The following CADM2 variants were observed in gnomAD, a reference collection of about 807,000 sequenced individuals.
CADM2 encodes cell adhesion molecule 2, also known as immunoglobulin superfamily member 4D.
Under a neutral mutation model 49.8 loss-of-function variants are expected in CADM2, and 12 were observed. The observed-to-expected ratio is 0.24, with a 90% CI of 0.15 to 0.39. The LOEUF is 0.39. Among genes scored for constraint, CADM2 ranks in the 10% least tolerant of loss-of-function variants. CADM2 has a pLI of 1.00. For missense variants in CADM2, 378 were observed against 492.3 expected (o/e 0.77, Z 2.20); for synonymous variants, 214 against 175.4 (o/e 1.22, Z -1.74).
chr3:85,833,531 T>C (rs2074274472), intron 3 of CADM2, among the ~76,000 whole-genome samples: 1 of 151,700 alleles, frequency 6.6e-6, no homozygotes. Flanking sequence ...TTGTTCAGGA[T>C]TTTTTTATTT....
At chr3:85,459,978 G>A (rs2038166808) in intron 1 of CADM2, among the ~76,000 whole-genome samples, 2 of 152,068 alleles carry the variant, frequency 1.3e-5, no homozygotes, top group Admixed American at 1.3e-4. Context: ...ATATTTTAAA[G>A]AGATTTCTTA....
intron 1 of CADM2, among the ~76,000 whole-genome samples, chr3:85,717,526 A>G (rs2067337796): frequency 6.6e-6 from 1 of 152,064 alleles, no homozygotes; most frequent in Non-Finnish European, 1.5e-5. Flanking sequence ...TTCCAATACT[A>G]TGTTGAATAG....
intron 8 of CADM2, among the ~76,000 whole-genome samples, chr3:86,061,663 TA>T (rs938375967): frequency 2.6e-5 from 4 of 151,826 alleles, no homozygotes; most frequent in African/African-American, 9.7e-5. Flanking sequence ...TTTGATTACA[TA>T]AAGTTGTAAG....
intron 1 of CADM2, among the ~76,000 whole-genome samples, chr3:84,965,936 A>T (rs1037308998): frequency 2.0e-5 from 3 of 152,212 alleles, no homozygotes; most frequent in African/African-American, 7.2e-5. Flanking sequence ...AAGTCATCTG[A>T]TATGTTCTCT....
intron 1 of CADM2, among the ~76,000 whole-genome samples, chr3:85,134,045 G>C (rs928806992): frequency 6.6e-6 from 1 of 152,240 alleles, no homozygotes; most frequent in Admixed American, 6.5e-5. Flanking sequence ...ATCGAGCGCA[G>C]CGCCGGTGGG....
At chr3:85,228,128 C>G (rs1467601334) in intron 1 of CADM2, among the ~76,000 whole-genome samples, 1 of 151,994 alleles carries the variant, frequency 6.6e-6, no homozygotes, top group African/African-American at 2.4e-5. Flanking sequence ...TGAGGAATAT[C>G]TTTGTGGTGT....
rs1472945638 is a variant in CADM2 at position 86,070,870 on chromosome 3, A to C, written c.*4087A>C. The C allele has an allele frequency of 1.3e-5, 2 of 151,822 alleles. No homozygotes were observed. The highest frequency in any genetic ancestry group is 3.0e-5 in the Non-Finnish European group (2 of 67,786). 9.4% of individuals were successfully genotyped at this position (151,822 alleles called of 1,614,324 possible). ...AAGAGGAAATCTTAGTGTAGATAAT[A>C]GAATTTGTTTTGAAATATACACTGG... On this transcript the variant is annotated 3_prime_UTR_variant, in exon 10 of 10. Coordinates refer to ENST00000383699, the MANE Select transcript of CADM2 (RefSeq NM_001167675.2).
intron 3 of CADM2, among the ~76,000 whole-genome samples, chr3:85,867,444 A>G (rs956804786): frequency 1.3e-5 from 2 of 152,016 alleles, no homozygotes; most frequent in South Asian, 2.1e-4. Flanking sequence ...TCGTGGAAAT[A>G]TTTCCCATAA....
chr3:85,884,891 A>ATT (rs11309096), intron 4 of CADM2, among the ~76,000 whole-genome samples: 1 of 136,648 alleles, frequency 7.3e-6, no homozygotes, highest in Non-Finnish European at 1.6e-5. Context: ...CGCCTGGCTA[A>ATT]TTTTTTTTTT....
chr3:85,359,666 A>ATATATATATATATATATATTTT lies in CADM2; in HGVS notation c.62-366855_62-366854insATATATATATATATATATTTTT. 3.5e-3 allele frequency among the ~76,000 whole-genome samples: 94 copies of ATATATATATATATATATATTTT among 26,484 alleles called. 3 individuals are homozygous for ATATATATATATATATATATTTT. The highest frequency in any genetic ancestry group is 0.033 in the Middle Eastern group (1 of 30). 17.4% of individuals were successfully genotyped at this position (26,484 alleles called of 152,430 possible). A position where few individuals can be genotyped will look rare whatever the true frequency, so the allele number is the denominator to read the frequency against. On this transcript the variant is annotated intron_variant, in intron 1 of 9. Transcript: ENST00000383699. ...TATATATATATATATATATATATAT[A>ATATATATATATATATATATTTT]TTTTTTTTTTTGGTGGAGGGGAGAA... is the stretch of plus-strand genomic sequence containing the variant.
chr3:85,327,356 A>G (rs1038233466), intron 1 of CADM2, among the ~76,000 whole-genome samples: 18 of 152,052 alleles, frequency 1.2e-4, no homozygotes, highest in Admixed American at 5.2e-4. Context: ...CCCGAGTTCA[A>G]GTAATTCTCA....
chr3:85,097,033 T>G (rs2107535137), intron 1 of CADM2, among the ~76,000 whole-genome samples: 1 of 152,292 alleles, frequency 6.6e-6, no homozygotes, highest in African/African-American at 2.4e-5. Flanking sequence ...AGTTTTAGGA[T>G]ACATGTGCAC....
intron 7 of CADM2, among the ~76,000 whole-genome samples, chr3:85,954,067 G>A (rs1203899880): frequency 6.6e-6 from 1 of 150,730 alleles, no homozygotes; most frequent in Non-Finnish European, 1.5e-5. Flanking sequence ...TCAAATTTAA[G>A]CTTGCTTATT....
intron 1 of CADM2, among the ~76,000 whole-genome samples, chr3:85,109,322 A>T (rs1284456377): frequency 6.6e-6 from 1 of 151,992 alleles, no homozygotes; most frequent in African/African-American, 2.4e-5. Flanking sequence ...ATAGATGATA[A>T]AGATAGCATT....
intron 1 of CADM2, among the ~76,000 whole-genome samples, chr3:85,403,245 T>C (rs755726300): frequency 3.9e-5 from 6 of 152,094 alleles, no homozygotes; most frequent in Non-Finnish European, 7.4e-5. Context: ...TGAAGCGACA[T>C]TGTATTCTTT....
chr3:85,230,019 C>T (rs554046074), intron 1 of CADM2, among the ~76,000 whole-genome samples: 90 of 152,176 alleles, frequency 5.9e-4, no homozygotes, highest in Non-Finnish European at 1.2e-3. Context: ...AATGTCCTTT[C>T]CCACATTGAA....
At chr3:85,317,624 G>A (rs1485969048) in intron 1 of CADM2, among the ~76,000 whole-genome samples, 5 of 152,144 alleles carry the variant, frequency 3.3e-5, no homozygotes, top group Non-Finnish European at 7.3e-5. Context: ...GTTTCTCACA[G>A]GGCAGAAGAA....
intron 1 of CADM2, among the ~76,000 whole-genome samples, chr3:85,587,663 T>C (rs939768775): frequency 6.6e-6 from 1 of 152,072 alleles, no homozygotes; most frequent in African/African-American, 2.4e-5. Flanking sequence ...TTTCATGAAC[T>C]TATTTGAAAA....
chr3:85,887,886 C>T (rs879740538), intron 5 of CADM2, among the ~76,000 whole-genome samples: 1 of 152,234 alleles, frequency 6.6e-6, no homozygotes, highest in East Asian at 1.9e-4. Flanking sequence ...AGGCACTTTT[C>T]TGGCTTAAGC....
Sources: gnomAD v4.1 joint callset for allele counts (sites outside exome capture counted in the v4.1 genomes callset) on GRCh38, gnomAD v4.1.1 for gene constraint, MANE v1.5 for transcripts, NCBI Gene and HGNC (gene_info 2026-07-23, HGNC 2026-07-21) for gene names.